The following CEP128 variants were observed in gnomAD, a reference collection of about 807,000 sequenced individuals.
The protein encoded by CEP128 is centrosomal protein 128kDa.
In CEP128, 132 loss-of-function variants were observed where a neutral mutation model predicts 156.7. The ratio of observed to expected loss-of-function variants is 0.84; its 90% CI spans 0.73 to 0.97. The LOEUF (loss-of-function observed/expected upper bound fraction) is 0.97, where lower values mean the gene tolerates loss of function less well. CEP128 is among the 50% of genes least tolerant of loss of function. The probability of loss-of-function intolerance (pLI) is 0.00; values close to 1 mark genes in which losing one functional copy is unlikely to be tolerated. For missense variants in CEP128, 1,252 were observed against 1,281.9 expected, an observed-to-expected ratio of 0.98 and a Z score of 0.36; for synonymous variants, 469 against 448.9, an observed-to-expected ratio of 1.04 and a Z score of -0.57.
exon 15 of CEP128, chr14:80,477,044 A>G (rs1353465899): frequency 6.6e-6 from 1 of 152,192 alleles, no homozygotes; most frequent in Non-Finnish European, 1.5e-5. Context: ...CCAAAGGCAC[A>G]TTGTTGGCAT....
chr14:80,778,552 G>A (rs1464049106), intron 15 of CEP128, among the ~76,000 whole-genome samples: 1 of 152,082 alleles, frequency 6.6e-6, no homozygotes, highest in Non-Finnish European at 1.5e-5. Context: ...TACTTTTTAT[G>A]TAAGTCATTA....
chr14:80,848,443 T>C (rs1315814282), intron 9 of CEP128, among the ~76,000 whole-genome samples: 3 of 152,118 alleles, frequency 2.0e-5, no homozygotes, highest in Non-Finnish European at 4.4e-5. Flanking sequence ...GAGGATCACT[T>C]GAGGCCAGGA....
At chr14:80,940,717 T>G (rs1192220176) in intron 1 of CEP128, among the ~76,000 whole-genome samples, 1 of 152,134 alleles carries the variant, frequency 6.6e-6, no homozygotes, top group African/African-American at 2.4e-5. Flanking sequence ...TTATATTTAC[T>G]CCATTGAAAA....
intron 11 of CEP128, 119 bp from the exon 12 acceptor site, chr14:80,836,456 G>A (rs915797867): frequency 1.2e-4 from 121 of 1,035,060 alleles, no homozygotes; most frequent in Middle Eastern, 1.1e-3. Flanking sequence ...ATAGTGGAAC[G>A]GTTTCCTGCT....
chr14:80,629,718 A>G (rs1387447481), intron 19 of CEP128, among the ~76,000 whole-genome samples: 1 of 151,924 alleles, frequency 6.6e-6, no homozygotes, highest in Non-Finnish European at 1.5e-5. Context: ...GTTGATTTTA[A>G]TTGGTTTGAG....
At chr14:80,567,424 G>C (rs1890960962) in intron 20 of CEP128, among the ~76,000 whole-genome samples, 2 of 152,138 alleles carry the variant, frequency 1.3e-5, no homozygotes, top group Admixed American at 1.3e-4. Context: ...AATGCAGCCT[G>C]AGCGGCAAGG....
rs1240856281 is a variant in CEP128, at chr14:80,504,997, A to C, written c.3096T>G (p.Gly1032=). The C allele has an allele frequency of 6.3e-7, 1 of 1,598,866 alleles. No individual in the cohort carries two copies. The highest frequency in any genetic ancestry group is 1.1e-5 in the South Asian group (1 of 87,936). ...AGTGATCTAACCCACGAGTGTGGGA[A>C]CCTTCCAGAAAGGTTCTGTCACCCT... ...SFKGDRTFLE[G]SHTRGLDHSS... The change falls in exon 24 of 25, where the codon GGT becomes GGG. Residue 1032 remains glycine, a synonymous_variant. Transcript: ENST00000555265.
intron 21 of CEP128, among the ~76,000 whole-genome samples, chr14:80,533,975 G>C (rs1439456477): frequency 6.6e-6 from 1 of 152,088 alleles, no homozygotes; most frequent in Non-Finnish European, 1.5e-5. Context: ...AAAGTTATTT[G>C]TACTTACTTT....
rs559470308 is a variant in CEP128, at chr14:80,729,058, G to GGTGTGTGTGTGTGT, written c.2806+14003_2806+14016dup. Among the ~76,000 whole-genome samples, 358 of 104,994 alleles carry GGTGTGTGTGTGTGT rather than the reference G, an allele frequency of 3.4e-3. 15 individuals carry two copies. Among genetic ancestry groups the GGTGTGTGTGTGTGT allele is most frequent in the East Asian group, 5.0e-3 (16 of 3,200 alleles). 68.9% of individuals were successfully genotyped at this position (104,994 alleles called of 152,430 possible). On this transcript the variant is annotated intron_variant, in intron 19 of 24. Coordinates refer to ENST00000555265, the MANE Select transcript of CEP128 (RefSeq NM_152446.5). ...CCTAGTCCCAGGCTGGGCTGGTGGG[G>GGTGTGTGTGTGTGT]GTGTGTGTGTGTGTGTGTGTGTGTG...
chr14:80,541,866 C>T (rs757448563), intron 21 of CEP128, among the ~76,000 whole-genome samples: 62 of 152,210 alleles, frequency 4.1e-4, no homozygotes, highest in Non-Finnish European at 6.6e-4. Flanking sequence ...AGCTTGGGCT[C>T]TTGAGGCAGT....
intron 9 of CEP128, among the ~76,000 whole-genome samples, chr14:80,841,672 G>A (rs1208019323): frequency 6.6e-6 from 1 of 151,826 alleles, no homozygotes; most frequent in East Asian, 1.9e-4. Flanking sequence ...TTATTAAAGG[G>A]GAAATTGGAG....
intron 19 of CEP128, among the ~76,000 whole-genome samples, chr14:80,648,856 TA>T (rs1412098626): frequency 1.3e-5 from 2 of 152,068 alleles, no homozygotes; most frequent in Non-Finnish European, 2.9e-5. Context: ...GGAAAAAAGG[TA>T]ACACCTAATT....
At chr14:80,585,076 T>G in intron 19 of CEP128, among the ~76,000 whole-genome samples, 1 of 152,254 alleles carries the variant, frequency 6.6e-6, no homozygotes, top group East Asian at 1.9e-4. Context: ...TGTATTTTCC[T>G]TGGATTGGTT....
intron 16 of CEP128, among the ~76,000 whole-genome samples, chr14:80,776,120 T>A (rs1375695633): frequency 6.6e-6 from 1 of 152,112 alleles, no homozygotes; most frequent in Non-Finnish European, 1.5e-5. Context: ...AGGCATGGGC[T>A]ACCATGCCCA....
Position 80,617,712 on chromosome 14 carries a change from C to T in CEP128, c.2807-37289G>A, listed in dbSNP as rs527873122. On this transcript the variant is annotated intron_variant, in intron 19 of 24. Transcript: ENST00000555265. ...AACCCAGCACCTGGGGAGACCGAGG[C>T]GGATGGATCTCTTGAGCCCAGGAGT... Among the ~76,000 whole-genome samples the T allele has an allele frequency of 7.2e-5, 11 of 152,138 alleles. No homozygotes were observed. The East Asian group carries it at 2.1e-3, about 29-fold the overall frequency.
intron 19 of CEP128, among the ~76,000 whole-genome samples, chr14:80,602,449 A>G (rs1892617992): frequency 6.6e-6 from 1 of 152,188 alleles, no homozygotes; most frequent in African/African-American, 2.4e-5. Flanking sequence ...AAGACAAACC[A>G]TATGATAGGC....
At chr14:80,489,615 A>T (rs1390025120), downstream of CEP128, among the ~76,000 whole-genome samples, 1 of 150,186 alleles carries the variant, frequency 6.7e-6, no homozygotes, top group Non-Finnish European at 1.5e-5. Context: ...CTCTAAAGGA[A>T]TTGGTGCTAG....
chr14:80,853,983 C>T (rs201905814), intron 9 of CEP128, among the ~76,000 whole-genome samples: 2 of 95,676 alleles, frequency 2.1e-5, no homozygotes, highest in African/African-American at 1.0e-4. Flanking sequence ...AAAAAAAAAT[C>T]CCCGGGGGGA....
chr14:80,563,916 GTATT>G (rs1316389048), intron 20 of CEP128, among the ~76,000 whole-genome samples: 1 of 152,116 alleles, frequency 6.6e-6, no homozygotes, highest in Non-Finnish European at 1.5e-5. Flanking sequence ...TACACTAAAT[GTATT>G]TATTTCCTCT....
Sources: allele counts gnomAD v4.1 joint callset (sites outside exome capture counted in the v4.1 genomes callset), GRCh38; gene constraint gnomAD v4.1.1; transcripts MANE v1.5; gene names NCBI Gene and HGNC (gene_info 2026-07-23, HGNC 2026-07-21).